The following NCR3 variants were observed in gnomAD, a reference collection of about 807,000 sequenced individuals.
NCR3 encodes natural cytotoxicity triggering receptor 3.
NCR3 carries 13 observed loss-of-function variants against 16.1 expected under a neutral mutation model. The ratio of observed to expected loss-of-function variants is 0.81; its 90% CI spans 0.53 to 1.28. The LOEUF (loss-of-function observed/expected upper bound fraction) is 1.28. NCR3 is among the 50% of genes most tolerant of loss of function. The pLI is 0.00. For missense variants in NCR3, 202 were observed against 256.8 expected (o/e 0.79, Z 1.46); for synonymous variants, 98 against 106.6 (o/e 0.92, Z 0.50).
In NCR3 at chr6:31,592,839, A is replaced by C. The variant is rs1169120256; in HGVS notation, c.-118T>G. The stretch of plus-strand genomic sequence containing the variant: ...ACCAGATGGGGATGGGGAGCTTCCT[A>C]TGACACACGGGACTCACACATCACT... On this transcript the variant is annotated 5_prime_UTR_variant, in exon 1 of 4. It removes the in-frame stop codon of an upstream open reading frame in the 5' UTR. Transcript: ENST00000340027. 1.9e-6 allele frequency: 2 copies of C among 1,046,580 alleles called. No homozygotes were observed. Among genetic ancestry groups the C allele is most frequent in the Non-Finnish European group, 1.5e-6 (1 of 683,730 alleles). The allele number at this position is 1,046,580 out of a possible 1,614,324, so 64.8% of individuals were successfully genotyped here. A position where few individuals can be genotyped will look rare whatever the true frequency, so the allele number is the denominator to read the frequency against.
chr6:31,590,389 C>G (rs1358290366), intron 1 of NCR3, among the ~76,000 whole-genome samples: 3 of 152,120 alleles, frequency 2.0e-5, no homozygotes, highest in Non-Finnish European at 2.9e-5. Context: ...ATCACCAGGT[C>G]AGGAGATCGA....
Position 31,589,658 on chromosome 6 carries a change from G to T in NCR3, c.389-25C>A. The T allele has an allele frequency of 6.2e-7, 1 of 1,612,390 alleles. No individual in the cohort carries two copies. ...TCTGCATGGGGCAATGGAGACGGGG[G>T]TTGGGGAAGAAGTGCACACAGGCTC... On this transcript the variant is annotated intron_variant, in intron 2 of 3. Transcript: ENST00000340027. This position sits in a 1 kb window ranked among gnomAD's most constrained non-coding sequence, Gnocchi z 4.8.
chr6:31,589,668 A>T lies in NCR3; in HGVS notation c.389-35T>A, dbSNP rs778700256. 97 of 1,611,874 alleles carry T rather than the reference A, an allele frequency of 6.0e-5. No individual in the cohort carries two copies. Among genetic ancestry groups the T allele is most frequent in the Non-Finnish European group, 7.7e-5 (91 of 1,179,050 alleles). Reference sequence around the variant, plus strand: ...GCAATGGAGACGGGGGTTGGGGAAGAAGTGCACACAGGCTCAGGGAGGGAA... The same window carrying T: ...GCAATGGAGACGGGGGTTGGGGAAGTAGTGCACACAGGCTCAGGGAGGGAA... On this transcript the variant is annotated intron_variant, in intron 2 of 3. Transcript: ENST00000340027. This position sits in a 1 kb window ranked among gnomAD's most constrained non-coding sequence, Gnocchi z 4.8.
chr6:31,590,030 C>CT lies in NCR3; in HGVS notation c.139dup (p.Arg47LysfsTer13), dbSNP rs779977824. 1.2e-6 allele frequency: 2 copies of CT among 1,613,056 alleles called. No homozygotes were observed. Among genetic ancestry groups the CT allele is most frequent in the South Asian group, 2.2e-5 (2 of 91,082 alleles). ...CCACGTGACGGAGCCAATGGCCAGT[C>CT]TCCCTTGGCTGGCATTGAAGGAGCA... On this transcript the variant is annotated frameshift_variant, in exon 2 of 4. Transcript: ENST00000340027. LOFTEE classifies it high-confidence loss of function.
chr6:31,589,851 C>T lies in NCR3; in HGVS notation c.319G>A (p.Val107Met), dbSNP rs199967105. Residue 107 changes from valine (V) to methionine (M), a missense_variant, in exon 2 of 4, where the codon GTG becomes ATG. By Grantham distance (21) the Val-to-Met change is conservative. Transcript: ENST00000340027. The surrounding 1 kb of genome is among the most constrained non-coding windows in gnomAD (Gnocchi z 4.8). Reference sequence around the variant, plus strand: ...AGGCCCAGCACCTCCACTCTGCACACGTAGATGCTGGCGTCATGGCCTCGC... The same window carrying T: ...AGGCCCAGCACCTCCACTCTGCACATGTAGATGCTGGCGTCATGGCCTCGC... ...DVRGHDASIYVCRVEVLGLGV... is the reference protein window; with the variant it reads ...DVRGHDASIYMCRVEVLGLGV... 2.5e-4 allele frequency: 410 copies of T among 1,613,284 alleles called. No individual in the cohort carries two copies. The highest frequency in any genetic ancestry group is 3.3e-4 in the Middle Eastern group (2 of 6,062).
chr6:31,589,680 G>T lies in NCR3; in HGVS notation c.389-47C>A. ...GGGGTTGGGGAAGAAGTGCACACAG[G>T]CTCAGGGAGGGAAGGGGCCTCAGAG... On this transcript the variant is annotated intron_variant, in intron 2 of 3. Coordinates refer to ENST00000340027, the MANE Select transcript of NCR3 (RefSeq NM_147130.3). This position sits in a 1 kb window ranked among gnomAD's most constrained non-coding sequence, Gnocchi z 4.8. 1 of 1,609,766 alleles carries T rather than the reference G, an allele frequency of 6.2e-7. No homozygotes were observed. Among genetic ancestry groups the T allele is most frequent in the East Asian group, 2.2e-5 (1 of 44,854 alleles).
intron 1 of NCR3, among the ~76,000 whole-genome samples, chr6:31,590,902 C>A (rs527905824): frequency 6.6e-6 from 1 of 152,116 alleles, no homozygotes; most frequent in Admixed American, 6.6e-5. Context: ...TGCAGTGGTG[C>A]AATCTTGGCT....
In NCR3 at chr6:31,589,462, C is replaced by T; in HGVS notation, c.496+64G>A. 6.3e-7 allele frequency: 1 copy of T among 1,595,388 alleles called. No individual in the cohort carries two copies. The highest frequency in any genetic ancestry group is 8.6e-7 in the Non-Finnish European group (1 of 1,169,082). On this transcript the variant is annotated intron_variant, in intron 3 of 3. Transcript: ENST00000340027. The surrounding 1 kb of genome is among the most constrained non-coding windows in gnomAD (Gnocchi z 4.8). ...CTCCTCTTCCTGGTCTCTGTCCTCC[C>T]TCCTCCCACTCTCTTACTGCCCCTC...
At chr6:31,592,655 G>A (rs776087126) in intron 1 of NCR3, 24 bp downstream of exon 1, 2 of 1,612,610 alleles carry the variant, frequency 1.2e-6, no homozygotes, top group South Asian at 1.1e-5. Context: ...CACTCCTTGG[G>A]GTCCTGAGCG....
chr6:31,592,642 C>T lies in NCR3; in HGVS notation c.43+37G>A, dbSNP rs1399609080. The stretch of plus-strand genomic sequence containing the variant: ...GCCTCCTGGATCTCCCTCCTCCCAC[C>T]CACACTCCTTGGGGTCCTGAGCGCA... On this transcript the variant is annotated intron_variant, in intron 1 of 3. Coordinates refer to ENST00000340027, the MANE Select transcript of NCR3 (RefSeq NM_147130.3). 1.9e-6 allele frequency: 3 copies of T among 1,612,014 alleles called. No homozygotes were observed. The African/African-American group carries it at 4.0e-5, about 22-fold the overall frequency.
In NCR3 at chr6:31,589,034, T is replaced by C. The variant is rs188533818; in HGVS notation, c.*33A>G. The C allele has an allele frequency of 2.8e-5, 43 of 1,542,442 alleles. No individual in the cohort carries two copies. The East Asian group carries it at 9.2e-4, about 33-fold the overall frequency. ...GGGCAGTTGCCAAGGAGGAGTCATA[T>C]CTGATCCTTCCCATTTCTCAGGACA... On this transcript the variant is annotated 3_prime_UTR_variant, in exon 4 of 4. Coordinates refer to ENST00000340027, the MANE Select transcript of NCR3 (RefSeq NM_147130.3). The surrounding 1 kb of genome is among the most constrained non-coding windows in gnomAD (Gnocchi z 4.8).
intron 1 of NCR3, among the ~76,000 whole-genome samples, chr6:31,590,669 A>G (rs990990418): frequency 1.3e-5 from 2 of 152,208 alleles, no homozygotes; most frequent in Admixed American, 1.3e-4. Flanking sequence ...ACCCTCTGCC[A>G]TCATTCTCCA....
Position 31,589,358 on chromosome 6 carries a change from G to T in NCR3, c.496+168C>A. The T allele has an allele frequency of 1.9e-6, 3 of 1,552,410 alleles. No individual in the cohort carries two copies. Among genetic ancestry groups the T allele is most frequent in the Non-Finnish European group, 2.6e-6 (3 of 1,147,180 alleles). On this transcript the variant is annotated intron_variant, in intron 3 of 3. Coordinates refer to ENST00000340027, the MANE Select transcript of NCR3 (RefSeq NM_147130.3). The surrounding 1 kb of genome is among the most constrained non-coding windows in gnomAD (Gnocchi z 4.8). ...AATCACTCCTCGGGGCCCATCTGAG[G>T]AGTGGCAGTGTGTTCCCATGTGACA...
At position 31,589,473 on chromosome 6, in the gene NCR3, C is replaced by A. The variant is rs2150412694; in HGVS notation, c.496+53G>T. On this transcript the variant is annotated intron_variant, in intron 3 of 3. Transcript: ENST00000340027. This position sits in a 1 kb window ranked among gnomAD's most constrained non-coding sequence, Gnocchi z 4.8. Reference sequence around the variant, plus strand: ...GGTCTCTGTCCTCCCTCCTCCCACTCTCTTACTGCCCCTCCCATCCCGTCC... The same window carrying A: ...GGTCTCTGTCCTCCCTCCTCCCACTATCTTACTGCCCCTCCCATCCCGTCC... 1 of 1,604,986 alleles carries A rather than the reference C, an allele frequency of 6.2e-7. No homozygotes were observed. Among genetic ancestry groups the A allele is most frequent in the Non-Finnish European group, 8.5e-7 (1 of 1,174,372 alleles).
chr6:31,589,220 T>C lies in NCR3; in HGVS notation c.497-44A>G. On this transcript the variant is annotated intron_variant, in intron 3 of 3. Transcript: ENST00000340027. The surrounding 1 kb of genome is among the most constrained non-coding windows in gnomAD (Gnocchi z 4.8). ...CAGAGTTGGGGGAATCCGGAGAGAG[T>C]AGATTTGGCATCTGGAGAATGGAGA... is the stretch of plus-strand genomic sequence containing the variant. The C allele has an allele frequency of 1.3e-6, 2 of 1,597,282 alleles. No homozygotes were observed. The highest frequency in any genetic ancestry group is 1.7e-6 in the Non-Finnish European group (2 of 1,171,726).
chr6:31,589,342 T>G lies in NCR3; in HGVS notation c.497-166A>C. The G allele has an allele frequency of 6.4e-7, 1 of 1,552,266 alleles. No homozygotes were observed. Among genetic ancestry groups the G allele is most frequent in the Non-Finnish European group, 8.7e-7 (1 of 1,147,134 alleles). ...GACATCTGGGCTCTGGAATCACTCC[T>G]CGGGGCCCATCTGAGGAGTGGCAGT... is the stretch of plus-strand genomic sequence containing the variant. On this transcript the variant is annotated intron_variant, in intron 3 of 3. Coordinates refer to ENST00000340027, the MANE Select transcript of NCR3 (RefSeq NM_147130.3). This position sits in a 1 kb window ranked among gnomAD's most constrained non-coding sequence, Gnocchi z 4.8.
chr6:31,589,206 G>A lies in NCR3; in HGVS notation c.497-30C>T, dbSNP rs1442262721. On this transcript the variant is annotated intron_variant, in intron 3 of 3. Transcript: ENST00000340027. The surrounding 1 kb of genome is among the most constrained non-coding windows in gnomAD (Gnocchi z 4.8). Reference sequence around the variant, plus strand: ...TGGAAGGGAAAGTTCAGAGTTGGGGGAATCCGGAGAGAGTAGATTTGGCAT... The same window carrying A: ...TGGAAGGGAAAGTTCAGAGTTGGGGAAATCCGGAGAGAGTAGATTTGGCAT... 6.2e-7 allele frequency: 1 copy of A among 1,606,658 alleles called. No individual in the cohort carries two copies.
chr6:31,590,997 G>A (rs777961175), intron 1 of NCR3, among the ~76,000 whole-genome samples: 4 of 151,884 alleles, frequency 2.6e-5, no homozygotes, highest in Admixed American at 2.0e-4. Context: ...CCACCACCAC[G>A]ACTGGCTAAT....
At position 31,589,764 on chromosome 6, in the gene NCR3, C is replaced by A; in HGVS notation, c.388+18G>T. 1 of 1,605,450 alleles carries A rather than the reference C, an allele frequency of 6.2e-7. No individual in the cohort carries two copies. Among genetic ancestry groups the A allele is most frequent in the Non-Finnish European group, 8.5e-7 (1 of 1,175,270 alleles). ...GGGGCCTCCAGCCAGGAGGAGACAC[C>A]ACCTCCCAGCATCTCACCTTTCTCC... On this transcript the variant is annotated intron_variant, in intron 2 of 3. Transcript: ENST00000340027. This position sits in a 1 kb window ranked among gnomAD's most constrained non-coding sequence, Gnocchi z 4.8.
Sources: allele counts gnomAD v4.1 joint callset (sites outside exome capture counted in the v4.1 genomes callset), GRCh38; gene constraint gnomAD v4.1.1; non-coding constraint Gnocchi (gnomAD v3.1); transcripts MANE v1.5; gene names NCBI Gene and HGNC (gene_info 2026-07-23, HGNC 2026-07-21).